Variants in ZNF879 observed in about 807,000 individuals in gnomAD.
The protein encoded by ZNF879 is zinc finger protein 879.
A neutral mutation model predicts 44.3 loss-of-function variants in ZNF879; 32 were observed. That is an observed-to-expected ratio of 0.72 (90% confidence interval 0.54 to 0.97). The LOEUF (loss-of-function observed/expected upper bound fraction) is 0.97. Ranked by LOEUF, ZNF879 falls within the 50% of genes least tolerant of loss-of-function variation. The pLI, the probability that ZNF879 is intolerant of heterozygous loss-of-function variation, is 0.00. For synonymous variants in ZNF879, 234 were observed against 233.2 expected (o/e 1.00, Z -0.03); for missense variants, 621 against 669.7 (o/e 0.93, Z 0.80).
chr5:179,031,841 T>G (rs1487760113), intron 4 of ZNF879, among the ~76,000 whole-genome samples: 1 of 152,224 alleles, frequency 6.6e-6, no homozygotes, highest in Non-Finnish European at 1.5e-5. Flanking sequence ...TTCATTTAAT[T>G]TTAGCCCCTC....
In ZNF879 at chr5:179,033,424, C is replaced by T. The variant is rs547476175; in HGVS notation, c.1476C>T (p.Ala492=). 1.3e-6 allele frequency: 2 copies of T among 1,561,654 alleles called. No individual in the cohort carries two copies. The highest frequency in any genetic ancestry group is 2.4e-5 in the South Asian group (2 of 84,916). ...KPYKCNDCEK[A]FNQSSALIQH... ...ATAAATGTAATGACTGTGAGAAAGC[C>T]TTCAACCAAAGCTCAGCTCTAATTC... The change falls in exon 5 of 5, where the codon GCC becomes GCT. Residue 492 remains alanine (A), a synonymous_variant. Transcript: ENST00000444149.
In ZNF879 at chr5:179,033,987, C is replaced by T. The variant is rs944192812; in HGVS notation, c.*347C>T. On this transcript the variant is annotated 3_prime_UTR_variant, in exon 5 of 5. Transcript: ENST00000444149. ...TTATGTACAAGTACAGCCATAAAAT[C>T]CAGACACAGATAAATCTAGGAATCT... 1 of 178,900 alleles carries T rather than the reference C, an allele frequency of 5.6e-6. No homozygotes were observed. Among genetic ancestry groups the T allele is most frequent in the Non-Finnish European group, 1.2e-5 (1 of 86,290 alleles). 11.1% of individuals were successfully genotyped at this position (178,900 alleles called of 1,614,324 possible). A position where few individuals can be genotyped will look rare whatever the true frequency, so the allele number is the denominator to read the frequency against.
chr5:179,031,952 C>T (rs899731664), intron 4 of ZNF879, among the ~76,000 whole-genome samples: 1 of 152,148 alleles, frequency 6.6e-6, no homozygotes, highest in Non-Finnish European at 1.5e-5. Context: ...CATAGCCTAG[C>T]GAGCTGTGCT....
Position 179,032,575 on chromosome 5 carries a change from TG to T in ZNF879, c.630del (p.Ile212SerfsTer8). The T allele has an allele frequency of 6.4e-7, 1 of 1,553,316 alleles. No individual in the cohort carries two copies. The highest frequency in any genetic ancestry group is 8.7e-7 in the Non-Finnish European group (1 of 1,148,026). Reference protein sequence around the residue: ...VRKCYKCNICGKIFLHSSSLS... With the variant: ...VRKCYKCNICXKIFLHSSSLS... ...GTAAATGTTATAAATGTAATATCTG[TG>T]GGAAAATCTTCCTCCACAGTTCCTC... On this transcript the variant is annotated frameshift_variant, in exon 5 of 5. Transcript: ENST00000444149. LOFTEE classifies it high-confidence loss of function.
intron 2 of ZNF879, among the ~76,000 whole-genome samples, chr5:179,025,929 A>AT (rs1761255728): frequency 6.6e-6 from 1 of 151,556 alleles, no homozygotes; most frequent in Non-Finnish European, 1.5e-5. Flanking sequence ...AAAAAAAAAA[A>AT]GCCAGGTGTG....
At chr5:179,024,794 C>T in intron 1 of ZNF879, 176 bp from the exon 2 acceptor site, 1 of 580,150 alleles carries the variant, frequency 1.7e-6, no homozygotes, top group Admixed American at 3.0e-5. Context: ...CCCGGTGACT[C>T]TGAACCTGCT....
At chr5:179,029,799 A>G (rs536539479) in intron 4 of ZNF879, among the ~76,000 whole-genome samples, 1 of 152,216 alleles carries the variant, frequency 6.6e-6, no homozygotes, top group Non-Finnish European at 1.5e-5. Flanking sequence ...AAGATTGATT[A>G]TACAGTTTGT....
Position 179,032,970 on chromosome 5 carries a change from A to C in ZNF879, c.1022A>C (p.Glu341Ala). ...CAGCACCACAGAATTCATACTGGGG[A>C]GAAACCGTATGAATGTACTCAGTGT... ...LIQHHRIHTG[E>A]KPYECTQCGK... is the part of the protein sequence containing the mutation. Residue 341 changes from glutamate (E) to alanine (A), a missense_variant, in exon 5 of 5, where the codon GAG (glutamate) becomes GCG (alanine). By Grantham distance (107) the Glu-to-Ala change is moderately radical. Coordinates refer to ENST00000444149, the MANE Select transcript of ZNF879 (RefSeq NM_001136116.3). 6.4e-7 allele frequency: 1 copy of C among 1,558,010 alleles called. No homozygotes were observed. Among genetic ancestry groups the C allele is most frequent in the South Asian group, 1.2e-5 (1 of 84,650 alleles).
Position 179,028,033 on chromosome 5 carries a change from G to A in ZNF879, c.162G>A (p.Gly54=), listed in dbSNP as rs1286052777. Residue 54 remains glycine, a splice_region_variant and synonymous_variant, in exon 4 of 5, where the codon GGG becomes GGA. Transcript: ENST00000444149. The stretch of plus-strand genomic sequence containing the variant: ...CGTTTCTTTCTTGTTCATGAACAGG[G>A]ATTCTCTTTTCCAAGCCAAAGGTCA... ...LENYSILVSL[G]ILFSKPKVIS... 1 of 1,551,498 alleles carries A rather than the reference G, an allele frequency of 6.4e-7. No homozygotes were observed. Among genetic ancestry groups the A allele is most frequent in the Non-Finnish European group, 8.7e-7 (1 of 1,146,910 alleles).
At chr5:179,025,421 C>T (rs1761236543) in intron 2 of ZNF879, among the ~76,000 whole-genome samples, 1 of 152,046 alleles carries the variant, frequency 6.6e-6, no homozygotes, top group Non-Finnish European at 1.5e-5. Flanking sequence ...AACTCCTGAC[C>T]TCAAGCAATC....
At chr5:179,028,811 G>A (rs889008867) in intron 4 of ZNF879, among the ~76,000 whole-genome samples, 3 of 152,118 alleles carry the variant, frequency 2.0e-5, no homozygotes, top group African/African-American at 4.8e-5. Context: ...ATTCTCCTGT[G>A]AATTCTGTCT....
intron 4 of ZNF879, among the ~76,000 whole-genome samples, chr5:179,028,467 T>C (rs1561734561): frequency 2.0e-5 from 3 of 152,306 alleles, no homozygotes; most frequent in Admixed American, 2.0e-4. Flanking sequence ...AACATTACAT[T>C]GTTTTTTTTT....
chr5:179,027,664 A>G, intron 3 of ZNF879, 65 bp downstream of exon 3: 1 of 1,576,482 alleles, frequency 6.3e-7, no homozygotes, highest in South Asian at 1.2e-5. Flanking sequence ...CAGGGGGCAC[A>G]TTTGGAGGGC....
chr5:179,024,639 T>C (rs11958355), intron 1 of ZNF879: 60,767 of 220,356 alleles, frequency 0.28, 9,226 homozygotes, highest in African/African-American at 0.42. Flanking sequence ...AGTGCAGATG[T>C]GTGGAATATT....
chr5:179,033,577 AGAAT>A lies in ZNF879; in HGVS notation c.1631_1634del (p.Glu544ValfsTer30). On this transcript the variant is annotated frameshift_variant, in exon 5 of 5. Transcript: ENST00000444149. LOFTEE classifies it high-confidence loss of function. ...CAGGGGAAAAACCTTATAAATGTAA[AGAAT>A]GTGGGAAGGCTTTTAGTCAGAGCTC... 1 of 1,548,570 alleles carries A rather than the reference AGAAT, an allele frequency of 6.5e-7. No homozygotes were observed. The highest frequency in any genetic ancestry group is 8.7e-7 in the Non-Finnish European group (1 of 1,146,430).
intron 4 of ZNF879, among the ~76,000 whole-genome samples, chr5:179,031,262 A>G (rs1287703280): frequency 6.6e-6 from 1 of 152,106 alleles, no homozygotes; most frequent in African/African-American, 2.4e-5. Context: ...AACTTCCAAT[A>G]TCTTCCTGTA....
chr5:179,027,278 G>A (rs1239816761), intron 2 of ZNF879, among the ~76,000 whole-genome samples, 195 bp from the exon 3 acceptor site: 1 of 152,154 alleles, frequency 6.6e-6, no homozygotes, highest in Non-Finnish European at 1.5e-5. Flanking sequence ...TCTCTTGGTT[G>A]GCCTCTGTGT....
At chr5:179,030,702 T>C (rs778387542) in intron 4 of ZNF879, among the ~76,000 whole-genome samples, 4 of 87,096 alleles carry the variant, frequency 4.6e-5, no homozygotes, top group African/African-American at 6.4e-5. Flanking sequence ...TTTATAGTTT[T>C]CTGTGTTTTT....
At chr5:179,028,279 A>T (rs886695455) in intron 4 of ZNF879, among the ~76,000 whole-genome samples, 152 bp downstream of exon 4, 1 of 152,176 alleles carries the variant, frequency 6.6e-6, no homozygotes, top group Non-Finnish European at 1.5e-5. Context: ...TTGATCCATC[A>T]TGTTCAGAGG....
Sources: allele counts gnomAD v4.1 joint callset (sites outside exome capture counted in the v4.1 genomes callset), GRCh38; gene constraint gnomAD v4.1.1; transcripts MANE v1.5; gene names NCBI Gene and HGNC (gene_info 2026-07-23, HGNC 2026-07-21).